The following B2M variants were observed in gnomAD, a reference collection of about 807,000 sequenced individuals.
The protein encoded by B2M is beta-2-microglobulin.
In B2M, 3 loss-of-function variants were observed where a neutral mutation model predicts 14.5. That is an observed-to-expected ratio of 0.21 (90% CI 0.09 to 0.53). The LOEUF is 0.53. Ranked by LOEUF, B2M falls within the 20% of genes least tolerant of loss-of-function variation. B2M has a pLI of 0.95. For missense variants in B2M, 107 were observed against 140.8 expected, an observed-to-expected ratio of 0.76 and a Z score of 1.21; for synonymous variants, 45 against 52.7, an observed-to-expected ratio of 0.85 and a Z score of 0.64.
chr15:44,714,924 A>T, intron 1 of B2M: 3 of 207,484 alleles, frequency 1.4e-5, no homozygotes, highest in South Asian at 1.4e-4. Context: ...AAAGAAAGGC[A>T]TAAACATAAG....
At chr15:44,716,419 C>A in intron 3 of B2M, 63 bp downstream of exon 3, 1 of 1,472,244 alleles carries the variant, frequency 6.8e-7, no homozygotes, top group Non-Finnish European at 9.5e-7. Flanking sequence ...TTATAGACAG[C>A]TCTAACATGA....
At chr15:44,711,814 G>A (rs2086872557) in intron 1 of B2M, 1 of 722,328 alleles carries the variant, frequency 1.4e-6, no homozygotes, top group Admixed American at 2.0e-5. Context: ...CCCGGGACGC[G>A]CGCTACTTGC....
At chr15:44,715,169 A>G in intron 1 of B2M, 1 of 561,434 alleles carries the variant, frequency 1.8e-6, no homozygotes, top group Non-Finnish European at 3.2e-6. Context: ...ATACTGCTAG[A>G]AATCTGCTAG....
At position 44,715,682 on chromosome 15, in the gene B2M, G is replaced by A. The variant is rs201097583; in HGVS notation, c.327G>A (p.Gln109=). ...GTGTGAACCATGTGACTTTGTCACA[G>A]CCCAAGATAGTTAAGTGGGGTAAGT... ...ACRVNHVTLS[Q]PKIVKWDRDM is the part of the protein sequence containing the mutation. Residue 109 remains glutamine, a synonymous_variant, in exon 2 of 4, where the codon CAG becomes CAA. Coordinates refer to ENST00000648006, the MANE Select transcript of B2M (RefSeq NM_004048.4). The A allele has an allele frequency of 3.8e-5, 61 of 1,614,084 alleles. No homozygotes were observed. The highest frequency in any genetic ancestry group is 4.8e-5 in the Non-Finnish European group (57 of 1,180,040).
At chr15:44,714,219 C>T (rs1398813353) in intron 1 of B2M, 1 of 152,220 alleles carries the variant, frequency 6.6e-6, no homozygotes, top group Non-Finnish European at 1.5e-5. Flanking sequence ...CCCACTGTCA[C>T]ATGCATTACT....
At chr15:44,716,230 C>T (rs887912422) in intron 2 of B2M, 99 bp from the exon 3 acceptor site, 1 of 1,404,112 alleles carries the variant, frequency 7.1e-7, no homozygotes, top group Non-Finnish European at 1.0e-6. Context: ...CCTATTCTGC[C>T]AGCCTTATTT....
chr15:44,714,491 G>C (rs927069237), intron 1 of B2M: 3 of 151,950 alleles, frequency 2.0e-5, no homozygotes, highest in South Asian at 2.1e-4. Flanking sequence ...ACGGTGGCTC[G>C]TGCCTGTAAT....
At chr15:44,715,285 T>C in intron 1 of B2M, 138 bp from the exon 2 acceptor site, 2 of 1,026,592 alleles carry the variant, frequency 1.9e-6, no homozygotes, top group Admixed American at 3.6e-5. Flanking sequence ...GGAAGCTCAT[T>C]TGGCCAGAGT....
chr15:44,716,717 T>C (rs1253748855), intron 3 of B2M: 1 of 311,508 alleles, frequency 3.2e-6, no homozygotes, highest in Non-Finnish European at 6.0e-6. Flanking sequence ...CTCTTTTCCT[T>C]TGTATAATGT....
intron 1 of B2M, chr15:44,713,832 T>G (rs1052763263): frequency 6.6e-6 from 1 of 152,198 alleles, no homozygotes; most frequent in Non-Finnish European, 1.5e-5. Context: ...ATGGGGCTAG[T>G]AGCCTTTCCT....
intron 1 of B2M, among the ~76,000 whole-genome samples, chr15:44,712,271 C>T (rs2086883814): frequency 6.6e-6 from 1 of 152,194 alleles, no homozygotes; most frequent in African/African-American, 2.4e-5. Flanking sequence ...TTGTTCCCAT[C>T]ACATGTCACT....
Position 44,717,814 on chromosome 15 carries a change from G to A in B2M, c.*222G>A, listed in dbSNP as rs7151. On this transcript the variant is annotated 3_prime_UTR_variant, in exon 4 of 4. Coordinates refer to ENST00000648006, the MANE Select transcript of B2M (RefSeq NM_004048.4). ...CAGGTTGCTCCACAGGTAGCTCTAG[G>A]AGGGCTGGCAACTTAGAGGTGGGGA... 1 of 152,106 alleles carries A rather than the reference G, an allele frequency of 6.6e-6. No individual in the cohort carries two copies. Among genetic ancestry groups the A allele is most frequent in the African/African-American group, 2.4e-5 (1 of 41,390 alleles). 9.4% of individuals were successfully genotyped at this position (152,106 alleles called of 1,614,324 possible). A position where few individuals can be genotyped will look rare whatever the true frequency, so the allele number is the denominator to read the frequency against.
chr15:44,714,701 T>G (rs1285394161), intron 1 of B2M: 1 of 152,570 alleles, frequency 6.6e-6, no homozygotes, highest in African/African-American at 2.4e-5. Flanking sequence ...CACTGCACAC[T>G]GCACTCCAGC....
intron 1 of B2M, chr15:44,712,078 C>T (rs1324514707): frequency 3.1e-6 from 1 of 323,438 alleles, no homozygotes; most frequent in South Asian, 2.7e-5. Flanking sequence ...CCGGGTAAGC[C>T]TGTCTGCTGC....
intron 2 of B2M, 158 bp downstream of exon 2, chr15:44,715,859 G>C: frequency 1.0e-6 from 1 of 970,910 alleles, no homozygotes; most frequent in Non-Finnish European, 1.6e-6. Flanking sequence ...GTCAGGGAAT[G>C]TTCTTAAAGA....
intron 1 of B2M, chr15:44,713,355 T>C (rs940050244): frequency 6.6e-6 from 1 of 152,226 alleles, no homozygotes; most frequent in Admixed American, 6.5e-5. Flanking sequence ...TAAAAAAAAA[T>C]CTTATTTTGA....
chr15:44,712,467 G>T (rs1293811846), intron 1 of B2M, among the ~76,000 whole-genome samples: 1 of 152,158 alleles, frequency 6.6e-6, no homozygotes, highest in Admixed American at 6.5e-5. Flanking sequence ...ATTACACAGG[G>T]GATAAATGGC....
intron 1 of B2M, among the ~76,000 whole-genome samples, chr15:44,712,489 T>A (rs1024296389): frequency 6.6e-6 from 1 of 152,224 alleles, no homozygotes; most frequent in African/African-American, 2.4e-5. Context: ...GCAATCGAGA[T>A]TGAAGTCAAG....
At chr15:44,711,683 GCT>G (rs1348817182) in intron 1 of B2M, 70 bp downstream of exon 1, 3 of 1,526,442 alleles carry the variant, frequency 2.0e-6, no homozygotes, top group Non-Finnish European at 2.7e-6. Context: ...CCCTCGCTGT[GCT>G]CTCTCGCTCC....
Sources: gnomAD v4.1 joint callset for allele counts (sites outside exome capture counted in the v4.1 genomes callset) on GRCh38, gnomAD v4.1.1 for gene constraint, MANE v1.5 for transcripts, NCBI Gene and HGNC (gene_info 2026-07-23, HGNC 2026-07-21) for gene names.